DUSP22: variants seen among roughly 807,000 people sequenced by gnomAD.
DUSP22 encodes the protein dual specificity protein phosphatase 22.
DUSP22 carries 24 observed loss-of-function variants against 24.5 expected under a neutral mutation model. The observed-to-expected ratio is 0.98, with a 90% CI of 0.71 to 1.38. DUSP22 has a LOEUF of 1.38. Ranked by LOEUF, DUSP22 falls within the 40% of genes most tolerant of loss-of-function variation. The pLI, the probability that DUSP22 is intolerant of heterozygous loss-of-function variation, is 0.00. For synonymous variants in DUSP22, 160 were observed against 106.4 expected (o/e 1.50, Z -3.10); for missense variants, 330 against 269.2 (o/e 1.23, Z -1.58).
chr6:348,090 C>A lies in DUSP22; in HGVS notation c.264-13C>A, dbSNP rs373937597. 6.2e-7 allele frequency: 1 copy of A among 1,613,846 alleles called. No homozygotes were observed. Among genetic ancestry groups the A allele is most frequent in the Non-Finnish European group, 8.5e-7 (1 of 1,179,770 alleles). ...AAACTGCCCTCACACATGTGCTTCT[C>A]TTGGCCCCGCAGCCTGGCCGGGGTC... On this transcript the variant is annotated splice_polypyrimidine_tract_variant and intron_variant, in intron 5 of 6. Coordinates refer to ENST00000419235, the MANE Select transcript of DUSP22 (RefSeq NM_001286555.3).
At chr6:302,240 G>T (rs974040171) in intron 1 of DUSP22, among the ~76,000 whole-genome samples, 1 of 152,306 alleles carries the variant, frequency 6.6e-6, no homozygotes, top group African/African-American at 2.4e-5. Context: ...GTTAAAACGC[G>T]TAAGATCGTC....
chr6:296,352 G>C (rs957214063), intron 1 of DUSP22, among the ~76,000 whole-genome samples: 1 of 152,294 alleles, frequency 6.6e-6, no homozygotes, highest in South Asian at 2.1e-4. Context: ...CCTGTTTTCT[G>C]GTTGTACACA....
At chr6:345,078 C>T (rs1282850881) in intron 4 of DUSP22, among the ~76,000 whole-genome samples, 2 of 152,308 alleles carry the variant, frequency 1.3e-5, no homozygotes, top group Non-Finnish European at 2.9e-5. Context: ...CCAGACAACC[C>T]ACAGCCTTCC....
intron 3 of DUSP22, among the ~76,000 whole-genome samples, chr6:321,860 C>T (rs1337586927): frequency 6.6e-6 from 1 of 152,286 alleles, no homozygotes; most frequent in Admixed American, 6.5e-5. Context: ...GCTAATTAGG[C>T]TATAAGTACC....
At chr6:309,129 T>A (rs528820328) in intron 2 of DUSP22, among the ~76,000 whole-genome samples, 1 of 152,306 alleles carries the variant, frequency 6.6e-6, no homozygotes, top group Non-Finnish European at 1.5e-5. Context: ...CTAGCCTTGC[T>A]GGTACCCCAA....
chr6:342,951 C>G (rs1021415918), intron 4 of DUSP22, among the ~76,000 whole-genome samples: 1 of 152,308 alleles, frequency 6.6e-6, no homozygotes, highest in South Asian at 2.1e-4. Flanking sequence ...GCTAGTTGTG[C>G]TGAAGGTGTG....
chr6:345,800 A>G (rs1158385484), intron 4 of DUSP22, 54 bp from the exon 5 acceptor site: 3 of 1,593,394 alleles, frequency 1.9e-6, no homozygotes, highest in Non-Finnish European at 1.7e-6. Context: ...TTTTCTTTTC[A>G]TCATATATTG....
intron 4 of DUSP22, among the ~76,000 whole-genome samples, chr6:344,402 C>T (rs549025270): frequency 8.1e-4 from 123 of 152,372 alleles, no homozygotes; most frequent in Non-Finnish European, 1.2e-3. Flanking sequence ...CCTCCCACCT[C>T]GGCCTCCCAA....
intron 6 of DUSP22, 127 bp from the exon 7 acceptor site, chr6:348,642 C>T (rs1335557435): frequency 2.7e-6 from 4 of 1,480,668 alleles, no homozygotes; most frequent in Admixed American, 1.9e-5. Context: ...GCTCTGATTT[C>T]CCACTGCTGT....
At chr6:314,941 CT>C (rs1227805670) in intron 3 of DUSP22, among the ~76,000 whole-genome samples, 4 of 152,308 alleles carry the variant, frequency 2.6e-5, no homozygotes, top group African/African-American at 9.6e-5. Context: ...GCATCTTGTA[CT>C]CTTCCTAGCA....
chr6:298,788 A>T (rs1188178263), intron 1 of DUSP22, among the ~76,000 whole-genome samples: 1 of 152,308 alleles, frequency 6.6e-6, no homozygotes, highest in Non-Finnish European at 1.5e-5. Context: ...GTCACCGTTT[A>T]TTCAGACTTC....
At chr6:301,440 G>A (rs768723009) in intron 1 of DUSP22, among the ~76,000 whole-genome samples, 7 of 152,414 alleles carry the variant, frequency 4.6e-5, no homozygotes, top group Non-Finnish European at 1.5e-5. Flanking sequence ...GCCAACCTGC[G>A]GAAGCCATGC....
chr6:294,878 G>A (rs760676064), intron 1 of DUSP22, among the ~76,000 whole-genome samples: 6 of 152,284 alleles, frequency 3.9e-5, no homozygotes, highest in African/African-American at 7.2e-5. Flanking sequence ...CAGAAGATGG[G>A]ATGAAAGTGA....
chr6:338,523 A>T (rs1759462139), intron 4 of DUSP22, among the ~76,000 whole-genome samples: 1 of 152,308 alleles, frequency 6.6e-6, no homozygotes, highest in Admixed American at 6.5e-5. Context: ...TCAACCAATG[A>T]GGATGGTCAG....
intron 1 of DUSP22, among the ~76,000 whole-genome samples, chr6:294,441 A>G (rs1230282113): frequency 6.6e-6 from 1 of 152,296 alleles, no homozygotes; most frequent in Non-Finnish European, 1.5e-5. Context: ...CAGCACTAAT[A>G]TGATGCGAGC....
chr6:294,273 A>G (rs1367024392), intron 1 of DUSP22, among the ~76,000 whole-genome samples: 1 of 152,292 alleles, frequency 6.6e-6, no homozygotes, highest in Non-Finnish European at 1.5e-5. Context: ...AAATACATGT[A>G]TAGAGAGATT....
At chr6:316,939 G>A (rs1758363254) in intron 3 of DUSP22, among the ~76,000 whole-genome samples, 1 of 152,308 alleles carries the variant, frequency 6.6e-6, no homozygotes, top group Admixed American at 6.5e-5. Context: ...ATGAGCTAGA[G>A]TTCAGCTTGG....
chr6:308,946 C>T (rs1162015069), intron 2 of DUSP22, among the ~76,000 whole-genome samples: 10 of 152,306 alleles, frequency 6.6e-5, no homozygotes, highest in African/African-American at 2.2e-4. Flanking sequence ...TGGGTCCTCG[C>T]CCCACCTCCT....
At chr6:296,661 C>T (rs1180090150) in intron 1 of DUSP22, among the ~76,000 whole-genome samples, 1 of 152,288 alleles carries the variant, frequency 6.6e-6, no homozygotes, top group East Asian at 1.9e-4. Flanking sequence ...ACTTATTAGT[C>T]TTCAGTACTA....
Sources: allele counts gnomAD v4.1 joint callset (sites outside exome capture counted in the v4.1 genomes callset), GRCh38; gene constraint gnomAD v4.1.1; transcripts MANE v1.5; gene names NCBI Gene and HGNC (gene_info 2026-07-23, HGNC 2026-07-21).